The following SH3KBP1 variants were observed in gnomAD, a reference collection of about 807,000 sequenced individuals.
The protein encoded by SH3KBP1 is SH3 domain containing kinase binding protein 1.
Under a neutral mutation model 50.1 loss-of-function variants are expected in SH3KBP1, and 8 were observed. The ratio of observed to expected loss-of-function variants is 0.16; its 90% CI spans 0.09 to 0.29. The LOEUF is 0.29. SH3KBP1 is among the 10% of genes least tolerant of loss of function. The pLI, the probability that SH3KBP1 is intolerant of heterozygous loss-of-function variation, is 1.00. For missense variants in SH3KBP1, 377 were observed against 535.2 expected (o/e 0.70, Z 2.92); for synonymous variants, 227 against 218.6 (o/e 1.04, Z -0.34).
At chrX:19,753,732 A>G (rs1439211588) in intron 2 of SH3KBP1, among the ~76,000 whole-genome samples, 3 of 112,226 alleles carry the variant, frequency 2.7e-5, no homozygotes, top group Non-Finnish European at 5.6e-5. Flanking sequence ...ACAATAAAAG[A>G]AAATACCCAT....
At chrX:19,885,406 A>G (rs2069560092) in intron 1 of SH3KBP1, among the ~76,000 whole-genome samples, 1 of 112,032 alleles carries the variant, frequency 8.9e-6, no homozygotes, top group South Asian at 3.7e-4. Flanking sequence ...TATCACCTCT[A>G]AGTATTAACT....
At chrX:19,694,930 C>G in intron 5 of SH3KBP1, 1 of 989,253 alleles carries the variant, frequency 1.0e-6, no homozygotes, top group Non-Finnish European at 1.4e-6. Flanking sequence ...CAAGACAGCA[C>G]AAGAGATACA....
At chrX:19,612,152 A>G (rs991883730) in intron 8 of SH3KBP1, among the ~76,000 whole-genome samples, 10 of 111,350 alleles carry the variant, frequency 9.0e-5, no homozygotes, top group Non-Finnish European at 1.7e-4. Flanking sequence ...AGAAGTGAAA[A>G]TAAGTCCTCT....
rs747814704 is a variant in SH3KBP1, at chrX:19,836,903, G to A, written c.5-621C>T. ...CTCATGAGATCTGATGGTTTTATAA[G>A]GGACTTTTCCCCCTTTTGTTTGGCA... On this transcript the variant is annotated intron_variant, in intron 1 of 17. Transcript: ENST00000397821. Among the ~76,000 whole-genome samples the A allele has an allele frequency of 4.4e-4, 49 of 111,584 alleles. No individual in the cohort carries two copies. In the South Asian group the frequency reaches 7.8e-3, roughly 18 times the overall value.
chrX:19,780,931 TC>T (rs1158965853), intron 2 of SH3KBP1, among the ~76,000 whole-genome samples: 1 of 112,177 alleles, frequency 8.9e-6, no homozygotes, highest in Non-Finnish European at 1.9e-5. Context: ...TATAATCAAT[TC>T]CTAGAAATGG....
At chrX:19,660,254 C>T (rs1281259009) in intron 6 of SH3KBP1, among the ~76,000 whole-genome samples, 3 of 112,447 alleles carry the variant, frequency 2.7e-5, no homozygotes, top group Non-Finnish European at 5.6e-5. Context: ...AGGTAGGTAA[C>T]GTGCTTAGCT....
At chrX:19,693,384 A>G (rs746239720) in intron 5 of SH3KBP1, among the ~76,000 whole-genome samples, 1 of 112,067 alleles carries the variant, frequency 8.9e-6, no homozygotes, top group Admixed American at 9.4e-5. Flanking sequence ...ATATGAACCA[A>G]CCGATGGAGA....
At chrX:19,600,050 G>A (rs2148051949) in intron 9 of SH3KBP1, among the ~76,000 whole-genome samples, 1 of 101,827 alleles carries the variant, frequency 9.8e-6, no homozygotes, top group East Asian at 3.0e-4. Flanking sequence ...CAGGAGAATG[G>A]CGTGAACCCG....
At chrX:19,554,221 TATC>T (rs1310155569) in intron 13 of SH3KBP1, among the ~76,000 whole-genome samples, 5 of 75,832 alleles carry the variant, frequency 6.6e-5, no homozygotes, top group East Asian at 3.4e-4. Context: ...TAATATTATA[TATC>T]ATATTAAAAT....
chrX:19,812,616 CCCAGGAGTTTGAGA>C (rs1221093039), intron 2 of SH3KBP1, among the ~76,000 whole-genome samples: 1 of 103,847 alleles, frequency 9.6e-6, no homozygotes, highest in Non-Finnish European at 2.0e-5. Flanking sequence ...ATTGCTTGAG[CCCAGGAGTTTGAGA>C]CCAGCCTGGG....
At chrX:19,769,665 C>T (rs898073872) in intron 2 of SH3KBP1, among the ~76,000 whole-genome samples, 25 of 111,057 alleles carry the variant, frequency 2.3e-4, no homozygotes, top group Non-Finnish European at 2.6e-4. Flanking sequence ...AGTTTGAGTA[C>T]TGGAGCAGTA....
intron 7 of SH3KBP1, among the ~76,000 whole-genome samples, chrX:19,637,914 T>C (rs745579241): frequency 9.4e-6 from 1 of 106,188 alleles, no homozygotes; most frequent in Admixed American, 1.0e-4. Flanking sequence ...CCATCTCTAC[T>C]AAAAATACAA....
At position 19,631,964 on chromosome X, in the gene SH3KBP1, A is replaced by G; in HGVS notation, c.803-6T>C. 9.2e-7 allele frequency: 1 copy of G among 1,082,155 alleles called. No homozygotes were observed. The highest frequency in any genetic ancestry group is 1.3e-6 in the Non-Finnish European group (1 of 785,459). The allele number at this position is 1,082,155 out of a possible 1,213,427, so 89.2% of individuals were successfully genotyped here. On this transcript the variant is annotated splice_polypyrimidine_tract_variant and splice_region_variant and intron_variant, in intron 7 of 17. Transcript: ENST00000397821. ...TACTTTGCAGTAATCCTTGCCTATA[A>G]GAAAAACAGAAAACATAACCTTTAA...
intron 2 of SH3KBP1, among the ~76,000 whole-genome samples, chrX:19,747,491 T>A (rs1224290426): frequency 9.0e-6 from 1 of 111,090 alleles, no homozygotes; most frequent in Non-Finnish European, 1.9e-5. Flanking sequence ...AAAGAGCCCA[T>A]GAGGTAAGAA....
At chrX:19,857,955 G>C (rs1180334236) in intron 1 of SH3KBP1, among the ~76,000 whole-genome samples, 1 of 111,105 alleles carries the variant, frequency 9.0e-6, no homozygotes, top group Non-Finnish European at 1.9e-5. Context: ...GAGGCGGGTG[G>C]ATCACTTGAG....
intron 3 of SH3KBP1, among the ~76,000 whole-genome samples, chrX:19,731,785 A>C (rs2064385746): frequency 1.8e-5 from 2 of 112,311 alleles, no homozygotes; most frequent in Admixed American, 1.9e-4. Flanking sequence ...AAGATGAATA[A>C]GATGTGGTTT....
At chrX:19,859,152 A>T (rs1013944389) in intron 1 of SH3KBP1, among the ~76,000 whole-genome samples, 12 of 102,583 alleles carry the variant, frequency 1.2e-4, no homozygotes, top group African/African-American at 4.2e-4. Flanking sequence ...TGAAATTACT[A>T]TTTTTTTTTT....
intron 13 of SH3KBP1, among the ~76,000 whole-genome samples, chrX:19,566,188 G>A (rs1163426099): frequency 1.8e-5 from 2 of 110,814 alleles, no homozygotes; most frequent in African/African-American, 6.6e-5. Context: ...TAGGATTAAT[G>A]TCTCTGTGGC....
intron 6 of SH3KBP1, among the ~76,000 whole-genome samples, chrX:19,666,343 T>C (rs1448577043): frequency 9.0e-6 from 1 of 111,143 alleles, no homozygotes; most frequent in Non-Finnish European, 1.9e-5. Flanking sequence ...CCTTTGACTA[T>C]AGATTCAGGT....
Sources: allele counts gnomAD v4.1 joint callset (sites outside exome capture counted in the v4.1 genomes callset), GRCh38; gene constraint gnomAD v4.1.1; transcripts MANE v1.5; gene names NCBI Gene and HGNC (gene_info 2026-07-23, HGNC 2026-07-21).